The following YAP1 variants were observed in gnomAD, a reference collection of about 807,000 sequenced individuals.
The protein encoded by YAP1 is Yes1 associated transcriptional regulator.
YAP1 carries 5 observed loss-of-function variants against 56.9 expected under a neutral mutation model. The observed-to-expected ratio is 0.09, with a 90% CI of 0.05 to 0.18. YAP1 has a LOEUF of 0.18. Among genes scored for constraint, YAP1 ranks in the 10% least tolerant of loss-of-function variants. The pLI is 1.00. For synonymous variants in YAP1, 265 were observed against 248.1 expected (o/e 1.07, Z -0.64); for missense variants, 539 against 651.8 (o/e 0.83, Z 1.88).
intron 6 of YAP1, among the ~76,000 whole-genome samples, chr11:102,217,281 A>T (rs192261640): frequency 3.3e-5 from 5 of 152,368 alleles, no homozygotes; most frequent in Admixed American, 3.3e-4. Context: ...CTTAGTCCAC[A>T]TCATTTAGAA....
At chr11:102,115,921 G>A (rs1040117350) in intron 2 of YAP1, among the ~76,000 whole-genome samples, 2 of 152,202 alleles carry the variant, frequency 1.3e-5, no homozygotes, top group Non-Finnish European at 2.9e-5. Context: ...CAGCTTAATA[G>A]CCTGCTTTCC....
At chr11:102,208,577 A>G (rs1436788227) in intron 5 of YAP1, among the ~76,000 whole-genome samples, 2 of 152,188 alleles carry the variant, frequency 1.3e-5, no homozygotes, top group Non-Finnish European at 1.5e-5. Context: ...TTTTTCGTCT[A>G]CTATTGTTAG....
chr11:102,131,229 A>G (rs540488482), intron 2 of YAP1, among the ~76,000 whole-genome samples: 1 of 152,340 alleles, frequency 6.6e-6, no homozygotes, highest in African/African-American at 2.4e-5. Flanking sequence ...CTTAGTCTTT[A>G]GTAGGCCATT....
In YAP1 at chr11:102,114,335, A is replaced by T. The variant is rs774117425; in HGVS notation, c.513A>T (p.Val171=). ...RQSSFEIPDD[V]PLPAGWEMAK... ...CTTCTTTTGAGATACCTGATGATGT[A>T]CCTCTGCCAGCAGGTTGGGAGATGG... The change falls in exon 2 of 9, where the codon GTA becomes GTT. Residue 171 remains valine (V), a synonymous_variant. Transcript: ENST00000282441. The T allele has an allele frequency of 1.2e-6, 2 of 1,614,176 alleles. No homozygotes were observed. Among genetic ancestry groups the T allele is most frequent in the Admixed American group, 3.3e-5 (2 of 60,032 alleles).
At chr11:102,173,906 A>C (rs573873786) in intron 3 of YAP1, among the ~76,000 whole-genome samples, 1 of 152,344 alleles carries the variant, frequency 6.6e-6, no homozygotes, top group Admixed American at 6.5e-5. Flanking sequence ...CCTCTAGAAA[A>C]GGTTGAATCA....
At chr11:102,229,475 T>C (rs1156404656) in intron 8 of YAP1, among the ~76,000 whole-genome samples, 1 of 152,206 alleles carries the variant, frequency 6.6e-6, no homozygotes, top group African/African-American at 2.4e-5. Flanking sequence ...CAGCACATAA[T>C]AGCAATCAAG....
intron 2 of YAP1, among the ~76,000 whole-genome samples, chr11:102,116,117 G>T (rs978010901): frequency 3.3e-5 from 5 of 151,982 alleles, no homozygotes; most frequent in African/African-American, 9.7e-5. Flanking sequence ...TTGGCCTTCC[G>T]TATCTGTGGG....
At chr11:102,134,834 G>C (rs552888680) in intron 2 of YAP1, among the ~76,000 whole-genome samples, 1 of 152,218 alleles carries the variant, frequency 6.6e-6, no homozygotes, top group South Asian at 2.1e-4. Flanking sequence ...TCAGCCTCCT[G>C]AGTAGCTGGG....
intron 2 of YAP1, among the ~76,000 whole-genome samples, chr11:102,121,051 G>T (rs572740306): frequency 6.6e-6 from 1 of 152,000 alleles, no homozygotes; most frequent in African/African-American, 2.4e-5. Context: ...CTTCATGTGC[G>T]GTAGTCCCTC....
At chr11:102,186,995 GAATA>G (rs1947998972) in intron 4 of YAP1, among the ~76,000 whole-genome samples, 1 of 152,126 alleles carries the variant, frequency 6.6e-6, no homozygotes, top group Non-Finnish European at 1.5e-5. Flanking sequence ...GCAGATCACT[GAATA>G]GGTCAGACTG....
intron 2 of YAP1, among the ~76,000 whole-genome samples, chr11:102,118,096 A>G (rs1290054097): frequency 1.3e-5 from 2 of 152,342 alleles, no homozygotes; most frequent in Middle Eastern, 3.4e-3. Context: ...GTGTTCTTAT[A>G]TATAATGTAC....
intron 2 of YAP1, among the ~76,000 whole-genome samples, chr11:102,115,815 T>C (rs1230518257): frequency 6.6e-6 from 1 of 151,984 alleles, no homozygotes; most frequent in Non-Finnish European, 1.5e-5. Flanking sequence ...GGGAAGGGAG[T>C]GGAAACAAAC....
intron 3 of YAP1, among the ~76,000 whole-genome samples, chr11:102,181,624 G>A (rs1036196212): frequency 4.0e-5 from 6 of 151,880 alleles, no homozygotes; most frequent in African/African-American, 9.7e-5. Context: ...AAAAAAAAAC[G>A]TACTGCCCTT....
At position 102,232,205 on chromosome 11, in the gene YAP1, A is replaced by C. The variant is rs753362584; in HGVS notation, c.*2265A>C. ...TTGGAAGGAGTGCCTATAATTTGCC[A>C]GTAGCCACAGATTAAGATTATATCT... On this transcript the variant is annotated 3_prime_UTR_variant, in exon 9 of 9. Coordinates refer to ENST00000282441, the MANE Select transcript of YAP1 (RefSeq NM_001130145.3). 7.1e-6 allele frequency: 1 copy of C among 140,790 alleles called. No individual in the cohort carries two copies. The highest frequency in any genetic ancestry group is 1.5e-5 in the Non-Finnish European group (1 of 65,334). The allele number at this position is 140,790 out of a possible 1,614,324, so 8.7% of individuals were successfully genotyped here.
chr11:102,140,967 T>C (rs140618117), intron 2 of YAP1, among the ~76,000 whole-genome samples: 5 of 152,352 alleles, frequency 3.3e-5, no homozygotes, highest in Non-Finnish European at 7.3e-5. Flanking sequence ...GTTACATAAA[T>C]TGAAATTGAG....
intron 2 of YAP1, among the ~76,000 whole-genome samples, chr11:102,142,273 A>C (rs1487246112): frequency 6.6e-6 from 1 of 152,196 alleles, no homozygotes; most frequent in Non-Finnish European, 1.5e-5. Flanking sequence ...GAGAGGGCCA[A>C]CCTTTCTAGA....
intron 3 of YAP1, among the ~76,000 whole-genome samples, chr11:102,176,470 A>G (rs1157979341): frequency 6.6e-6 from 1 of 152,078 alleles, no homozygotes; most frequent in Non-Finnish European, 1.5e-5. Flanking sequence ...GAATTGGGTC[A>G]GGCACGGTGG....
chr11:102,178,850 C>G lies in YAP1; in HGVS notation c.689-7168C>G, dbSNP rs919479208. On this transcript the variant is annotated intron_variant, in intron 3 of 8. Transcript: ENST00000282441. ...GCAGGCTGTACAGGAAGCATGGTGCCAGCGTCTGCTTCTGGTGAGGACCTC... is the reference window on the plus strand; with the variant it reads ...GCAGGCTGTACAGGAAGCATGGTGCGAGCGTCTGCTTCTGGTGAGGACCTC... 2.0e-5 allele frequency among the ~76,000 whole-genome samples: 3 copies of G among 152,176 alleles called. No individual in the cohort carries two copies. In the East Asian group the frequency reaches 5.8e-4, roughly 29 times the overall value.
chr11:102,172,091 G>T lies in YAP1; in HGVS notation c.688+9520G>T, dbSNP rs150804037. On this transcript the variant is annotated intron_variant, in intron 3 of 8. Coordinates refer to ENST00000282441, the MANE Select transcript of YAP1 (RefSeq NM_001130145.3). ...GCCTGTAATCCCAGCTGCTTGGGAG[G>T]CTGACACAGGAGAATTGCTTGAACC... Among the ~76,000 whole-genome samples the T allele has an allele frequency of 7.2e-3, 1,088 of 151,862 alleles. 8 individuals carry two copies. The highest frequency in any genetic ancestry group is 0.024 in the Middle Eastern group (7 of 294).
Sources: allele counts gnomAD v4.1 joint callset (sites outside exome capture counted in the v4.1 genomes callset), GRCh38; gene constraint gnomAD v4.1.1; transcripts MANE v1.5; gene names NCBI Gene and HGNC (gene_info 2026-07-23, HGNC 2026-07-21).